Variants in NELL1 observed in about 807,000 individuals in gnomAD.
NELL1 encodes the protein neural EGFL like 1, also known as protein kinase C-binding protein NELL1.
A neutral mutation model predicts 107.4 loss-of-function variants in NELL1; 76 were observed. The ratio of observed to expected loss-of-function variants is 0.71; its 90% CI spans 0.59 to 0.86. The LOEUF (loss-of-function observed/expected upper bound fraction) is 0.86. Among genes scored for constraint, NELL1 ranks in the 40% least tolerant of loss-of-function variants. NELL1 has a pLI of 0.00. For missense variants in NELL1, 1,024 were observed against 1,005.5 expected (o/e 1.02, Z -0.25); for synonymous variants, 353 against 341.2 (o/e 1.03, Z -0.38).
intron 14 of NELL1, among the ~76,000 whole-genome samples, chr11:21,293,405 G>A (rs1054230019): frequency 3.3e-5 from 5 of 152,154 alleles, no homozygotes; most frequent in Non-Finnish European, 7.4e-5. Flanking sequence ...CAGTTACAAT[G>A]ACGATCATTA....
chr11:20,844,773 G>T (rs1454107971), intron 3 of NELL1, among the ~76,000 whole-genome samples: 1 of 152,204 alleles, frequency 6.6e-6, no homozygotes, highest in Admixed American at 6.5e-5. Flanking sequence ...TGGGAGTTTT[G>T]TTGGAATACA....
At chr11:21,342,320 T>G (rs1477669397) in intron 14 of NELL1, among the ~76,000 whole-genome samples, 2 of 151,654 alleles carry the variant, frequency 1.3e-5, no homozygotes, top group Non-Finnish European at 2.9e-5. Flanking sequence ...TGCAATAGCA[T>G]TTACTTATCT....
At position 21,113,596 on chromosome 11, in the gene NELL1, T is replaced by C; in HGVS notation, c.1308T>C (p.Asp436=). 2.5e-6 allele frequency: 4 copies of C among 1,610,698 alleles called. No individual in the cohort carries two copies. Among genetic ancestry groups the C allele is most frequent in the Non-Finnish European group, 3.4e-6 (4 of 1,178,006 alleles). Residue 436 remains aspartate (D), a synonymous_variant, in exon 13 of 20, where the codon GAT becomes GAC. Transcript: ENST00000357134. Reference sequence around the variant, plus strand: ...TTATTTTTTTTCCTTCAGATATTGATGAGTGTGCAGCTAAGATGCATTACT... The same window carrying C: ...TTATTTTTTTTCCTTCAGATATTGACGAGTGTGCAGCTAAGATGCATTACT... The part of the protein sequence containing the change: ...QGDSAYCEDI[D]ECAAKMHYCH...
chr11:21,421,783 A>G (rs1852678835), intron 15 of NELL1, among the ~76,000 whole-genome samples: 1 of 152,200 alleles, frequency 6.6e-6, no homozygotes, highest in Non-Finnish European at 1.5e-5. Flanking sequence ...GAATAAAACT[A>G]TATCCACAAA....
chr11:20,892,443 G>A (rs942401664), intron 5 of NELL1, among the ~76,000 whole-genome samples: 1 of 152,214 alleles, frequency 6.6e-6, no homozygotes, highest in African/African-American at 2.4e-5. Flanking sequence ...TAGATCCTAT[G>A]TGAGGCTGTG....
chr11:20,799,671 AT>A (rs1857243450), intron 3 of NELL1, among the ~76,000 whole-genome samples: 3 of 151,874 alleles, frequency 2.0e-5, no homozygotes, highest in Admixed American at 1.3e-4. Context: ...GTATGTATGT[AT>A]GTATGTATGT....
At chr11:20,989,298 G>A (rs944496417) in intron 12 of NELL1, among the ~76,000 whole-genome samples, 1 of 152,192 alleles carries the variant, frequency 6.6e-6, no homozygotes, top group Non-Finnish European at 1.5e-5. Context: ...GGGTAAGGCA[G>A]ATGGGCTCCA....
At chr11:21,194,863 A>G (rs1299477152) in intron 13 of NELL1, among the ~76,000 whole-genome samples, 1 of 152,138 alleles carries the variant, frequency 6.6e-6, no homozygotes, top group Non-Finnish European at 1.5e-5. Flanking sequence ...CGAGTCTAGA[A>G]CTAGGGCATA....
rs116208339 is a variant in NELL1, at chr11:20,964,845, C to T, written c.1300+4285C>T. Among the ~76,000 whole-genome samples the T allele has an allele frequency of 3.2e-3, 488 of 152,164 alleles. 2 individuals are homozygous for T. Among genetic ancestry groups the T allele is most frequent in the African/African-American group, 0.011 (474 of 41,524 alleles). On this transcript the variant is annotated intron_variant, in intron 12 of 19. Transcript: ENST00000357134. ...TCTGAAACAAAAACTGGCAATGTTCCAGGTCAGGGCTTCTCCTTTAGCTGA... is the reference window on the plus strand; with the variant it reads ...TCTGAAACAAAAACTGGCAATGTTCTAGGTCAGGGCTTCTCCTTTAGCTGA...
chr11:20,865,896 G>A (rs1374496687), intron 4 of NELL1, among the ~76,000 whole-genome samples: 3 of 152,084 alleles, frequency 2.0e-5, no homozygotes, highest in African/African-American at 7.2e-5. Context: ...GACCCTGACT[G>A]TTACACATCC....
intron 14 of NELL1, among the ~76,000 whole-genome samples, chr11:21,290,603 G>A (rs1199490821): frequency 6.6e-6 from 1 of 152,026 alleles, no homozygotes; most frequent in Non-Finnish European, 1.5e-5. Flanking sequence ...GCTCTGGCTG[G>A]CATATGGCAG....
chr11:21,093,265 C>A (rs1191646712), intron 12 of NELL1, among the ~76,000 whole-genome samples: 5 of 152,178 alleles, frequency 3.3e-5, no homozygotes, highest in Admixed American at 2.0e-4. Context: ...TGCAAGATGA[C>A]AAACTGTAGG....
At chr11:21,021,006 AC>A (rs1385453594) in intron 12 of NELL1, among the ~76,000 whole-genome samples, 1 of 118,030 alleles carries the variant, frequency 8.5e-6, no homozygotes, top group Admixed American at 8.0e-5. Context: ...GCAGAAAGAA[AC>A]TTAGAACACA....
chr11:21,265,964 A>G (rs1053846449), intron 14 of NELL1, among the ~76,000 whole-genome samples: 6 of 151,976 alleles, frequency 3.9e-5, no homozygotes, highest in Admixed American at 1.3e-4. Context: ...CCTTTCAGCC[A>G]AACAGGAATG....
chr11:21,103,716 A>G (rs1011184161), intron 12 of NELL1, among the ~76,000 whole-genome samples: 1 of 152,172 alleles, frequency 6.6e-6, no homozygotes, highest in Admixed American at 6.5e-5. Flanking sequence ...TCTTTGCAAA[A>G]CAAGAGTAGC....
At chr11:20,969,739 G>A (rs997799834) in intron 12 of NELL1, among the ~76,000 whole-genome samples, 5 of 151,868 alleles carry the variant, frequency 3.3e-5, no homozygotes, top group African/African-American at 1.2e-4. Flanking sequence ...TAGCAGCCGG[G>A]TAACATTGGA....
chr11:20,752,004 G>T (rs578180674), intron 2 of NELL1, among the ~76,000 whole-genome samples: 16 of 152,030 alleles, frequency 1.1e-4, no homozygotes, highest in Middle Eastern at 3.4e-3. Flanking sequence ...TTCATTTACA[G>T]TGTTGTCATC....
At chr11:20,928,562 G>A in intron 9 of NELL1, 83 bp downstream of exon 9, 1 of 1,032,326 alleles carries the variant, frequency 9.7e-7, no homozygotes, top group Admixed American at 2.0e-5. Flanking sequence ...GGACTCAACT[G>A]ATTGACATTG....
At chr11:21,243,622 G>A (rs1011554002) in intron 14 of NELL1, among the ~76,000 whole-genome samples, 1 of 152,104 alleles carries the variant, frequency 6.6e-6, no homozygotes, top group Non-Finnish European at 1.5e-5. Context: ...TATGAGATTA[G>A]TAGAAGACGT....
Sources: gnomAD v4.1 joint callset for allele counts (sites outside exome capture counted in the v4.1 genomes callset) on GRCh38, gnomAD v4.1.1 for gene constraint, MANE v1.5 for transcripts, NCBI Gene and HGNC (gene_info 2026-07-23, HGNC 2026-07-21) for gene names.